RP1: variants seen among roughly 807,000 people sequenced by gnomAD.
RP1 encodes RP1 axonemal microtubule associated.
In RP1, 16 loss-of-function variants were observed where a neutral mutation model predicts 14.8. That is an observed-to-expected ratio of 1.08 (90% CI 0.73 to 1.65). The LOEUF is 1.65. RP1 is among the 40% of genes most tolerant of loss of function. RP1 has a pLI of 0.00. For synonymous variants in RP1, 876 were observed against 883.6 expected (o/e 0.99, Z 0.15); for missense variants, 2,631 against 2,535.0 (o/e 1.04, Z -0.81).
chr8:54,670,091 G>A (rs574995512), intron 7 of RP1, among the ~76,000 whole-genome samples: 12 of 152,122 alleles, frequency 7.9e-5, no homozygotes, highest in African/African-American at 2.9e-4. Flanking sequence ...CCACATATAT[G>A]TGAATATTTC....
At chr8:54,595,686 T>G (rs925041598) in intron 1 of RP1, among the ~76,000 whole-genome samples, 1 of 152,262 alleles carries the variant, frequency 6.6e-6, no homozygotes, top group African/African-American at 2.4e-5. Context: ...CTCGCCTGAT[T>G]ATGCTAAGCA....
rs1804388419 is a variant in RP1 at position 54,565,663 on chromosome 8, G to A, written c.-13+6343G>A. On this transcript the variant is annotated intron_variant, in intron 1 of 22. Transcript: ENST00000636932. ...AATAGCCCACATGTGGTTAGGGTAT[G>A]TGAGAAACAAGGCCCTCACTGTTAC... Among the ~76,000 whole-genome samples, 2 of 152,304 alleles carry A rather than the reference G, an allele frequency of 1.3e-5. 1 individual carries two copies. Among genetic ancestry groups the A allele is most frequent in the South Asian group, 4.2e-4 (2 of 4,818 alleles).
chr8:54,663,619 A>G (rs1806946134), intron 6 of RP1: 4 of 1,328,570 alleles, frequency 3.0e-6, no homozygotes, highest in Non-Finnish European at 3.9e-6. Context: ...TCCACCATGG[A>G]TAAGAGGAGA....
intron 5 of RP1, among the ~76,000 whole-genome samples, chr8:54,654,406 A>G (rs908068268): frequency 2.6e-5 from 4 of 152,192 alleles, no homozygotes; most frequent in African/African-American, 9.7e-5. Context: ...AAAAAGTTCA[A>G]AATGTTAGGT....
intron 3 of RP1, among the ~76,000 whole-genome samples, chr8:54,640,507 G>T (rs763277229): frequency 3.3e-5 from 5 of 152,122 alleles, no homozygotes; most frequent in Non-Finnish European, 7.4e-5. Context: ...AGCTTTGAAT[G>T]CCTAGCTTGG....
At chr8:54,753,636 C>T (rs1047109931) in intron 19 of RP1, among the ~76,000 whole-genome samples, 1 of 152,156 alleles carries the variant, frequency 6.6e-6, no homozygotes, top group African/African-American at 2.4e-5. Flanking sequence ...ACAACTAGAA[C>T]ATAGCACATG....
At chr8:54,738,930 G>T in intron 18 of RP1, 1 of 1,431,482 alleles carries the variant, frequency 7.0e-7, no homozygotes, top group Non-Finnish European at 9.2e-7. Context: ...TTTCTCCTTT[G>T]CATTTCATTC....
chr8:54,639,765 C>A (rs1806421663), intron 3 of RP1, among the ~76,000 whole-genome samples: 1 of 152,102 alleles, frequency 6.6e-6, no homozygotes, highest in South Asian at 2.1e-4. Flanking sequence ...TGCAAGAGTT[C>A]TTTACATATT....
chr8:54,649,843 G>A (rs1806621416), intron 4 of RP1, among the ~76,000 whole-genome samples: 1 of 152,116 alleles, frequency 6.6e-6, no homozygotes, highest in Admixed American at 6.6e-5. Flanking sequence ...TGTGATCCTG[G>A]GTGTTTGGTT....
rs558200190 is a variant in RP1 at position 54,664,590 on chromosome 8, A to G, written c.1323+740A>G. The stretch of plus-strand genomic sequence containing the variant: ...TTTTTATGTAACCATCCTAATGGCT[A>G]TGAAGGGATATCTCATTGCTTTCGA... On this transcript the variant is annotated intron_variant, in intron 7 of 22. Coordinates refer to the RP1 transcript ENST00000636932. 2.0e-5 allele frequency among the ~76,000 whole-genome samples: 3 copies of G among 152,200 alleles called. No individual in the cohort carries two copies. In the South Asian group the frequency reaches 6.2e-4, roughly 32 times the overall value.
At chr8:54,729,651 C>T (rs1251654457) in intron 17 of RP1, among the ~76,000 whole-genome samples, 1 of 152,010 alleles carries the variant, frequency 6.6e-6, no homozygotes, top group African/African-American at 2.4e-5. Flanking sequence ...TATGTATATA[C>T]ACTTGTAGAT....
chr8:54,606,811 T>C (rs539044695), intron 1 of RP1, among the ~76,000 whole-genome samples: 2 of 152,352 alleles, frequency 1.3e-5, no homozygotes, highest in African/African-American at 4.8e-5. Context: ...CCACCACTGA[T>C]ACCCTTTCTT....
chr8:54,688,065 A>G (rs192602869), intron 12 of RP1, among the ~76,000 whole-genome samples: 8 of 152,278 alleles, frequency 5.3e-5, no homozygotes, highest in Admixed American at 4.6e-4. Context: ...ATGACCAGTG[A>G]TGATTAGCTT....
intron 22 of RP1, among the ~76,000 whole-genome samples, chr8:54,768,126 C>G (rs957759012): frequency 4.6e-5 from 7 of 152,240 alleles, no homozygotes; most frequent in African/African-American, 1.7e-4. Context: ...CAGCAGCCTC[C>G]TGTGCGTCAG....
chr8:54,657,679 T>A (rs550002039), intron 6 of RP1, among the ~76,000 whole-genome samples: 6 of 152,346 alleles, frequency 3.9e-5, no homozygotes, highest in African/African-American at 1.4e-4. Context: ...TCTTTTTTGC[T>A]ATATTTTATT....
intron 6 of RP1, among the ~76,000 whole-genome samples, chr8:54,662,178 T>C (rs1246141563): frequency 6.6e-6 from 1 of 152,190 alleles, no homozygotes; most frequent in Non-Finnish European, 1.5e-5. Flanking sequence ...TATTATATTC[T>C]GGGAATTTTA....
intron 8 of RP1, among the ~76,000 whole-genome samples, chr8:54,676,372 C>A (rs1807295490): frequency 6.6e-6 from 1 of 152,144 alleles, no homozygotes; most frequent in Non-Finnish European, 1.5e-5. Flanking sequence ...TGTGAAGAAA[C>A]CACTTGAAGA....
intron 17 of RP1, among the ~76,000 whole-genome samples, chr8:54,732,113 A>G (rs979752075): frequency 6.6e-6 from 1 of 152,122 alleles, no homozygotes; most frequent in African/African-American, 2.4e-5. Flanking sequence ...GAACATTGGC[A>G]CCTGCAGTTC....
At chr8:54,772,983 AC>A (rs1809946279), downstream of RP1, among the ~76,000 whole-genome samples, 1 of 152,018 alleles carries the variant, frequency 6.6e-6, no homozygotes, top group African/African-American at 2.4e-5. Context: ...CTTTGTGGGG[AC>A]AGGTTGGGTT....
Sources: allele counts gnomAD v4.1 joint callset (sites outside exome capture counted in the v4.1 genomes callset), GRCh38; gene constraint gnomAD v4.1.1; transcripts MANE v1.5; gene names NCBI Gene and HGNC (gene_info 2026-07-23, HGNC 2026-07-21).